The following TMEM62 variants were observed in gnomAD, a reference collection of about 807,000 sequenced individuals.
The protein encoded by TMEM62 is transmembrane protein 62.
TMEM62 carries 41 observed loss-of-function variants against 70.4 expected under a neutral mutation model. That is an observed-to-expected ratio of 0.58 (90% CI 0.45 to 0.76). The LOEUF is 0.76. Ranked by LOEUF, TMEM62 falls within the 30% of genes least tolerant of loss-of-function variation. The pLI is 0.00. For synonymous variants in TMEM62, 268 were observed against 291.0 expected (o/e 0.92, Z 0.80); for missense variants, 688 against 788.5 (o/e 0.87, Z 1.53).
At chr15:43,155,918 T>C (rs2037998573) in intron 9 of TMEM62, among the ~76,000 whole-genome samples, 1 of 152,180 alleles carries the variant, frequency 6.6e-6, no homozygotes, top group Admixed American at 6.5e-5. Context: ...TCTGATTCAA[T>C]TTAGGGCATT....
Position 43,184,986 on chromosome 15 carries a change from TTC to T in TMEM62, c.*401_*402del. The T allele has an allele frequency of 4.0e-6, 1 of 252,066 alleles. No homozygotes were observed. The highest frequency in any genetic ancestry group is 7.7e-6 in the Non-Finnish European group (1 of 129,522). 15.6% of individuals were successfully genotyped at this position (252,066 alleles called of 1,614,324 possible). A position where few individuals can be genotyped will look rare whatever the true frequency, so the allele number is the denominator to read the frequency against. On this transcript the variant is annotated 3_prime_UTR_variant, in exon 14 of 14. Coordinates refer to ENST00000260403, the MANE Select transcript of TMEM62 (RefSeq NM_024956.4). ...ATTCAGCAGCTGTCAAAGGTGCAAT[TTC>T]AGGGGCAGGGAACCTTTGAGGATCT... is the stretch of plus-strand genomic sequence containing the variant.
At chr15:43,140,371 C>T (rs1338344684) in intron 4 of TMEM62, among the ~76,000 whole-genome samples, 1 of 152,196 alleles carries the variant, frequency 6.6e-6, no homozygotes, top group East Asian at 1.9e-4. Flanking sequence ...TGGTACTGTT[C>T]TGGAGTGGCC....
chr15:43,145,474 G>C (rs2036559844), intron 4 of TMEM62, among the ~76,000 whole-genome samples: 1 of 152,032 alleles, frequency 6.6e-6, no homozygotes, highest in South Asian at 2.1e-4. Flanking sequence ...CAAAGTGCTG[G>C]GATTACAGGC....
chr15:43,149,992 T>A (rs182928605), intron 7 of TMEM62, among the ~76,000 whole-genome samples: 1 of 152,294 alleles, frequency 6.6e-6, no homozygotes, highest in Non-Finnish European at 1.5e-5. Flanking sequence ...TTAAGTGAAA[T>A]AGTTTATCAA....
Position 43,135,583 on chromosome 15 carries a change from C to T in TMEM62, c.364C>T (p.Gln122Ter), listed in dbSNP as rs778134491. 4 of 1,610,534 alleles carry T rather than the reference C, an allele frequency of 2.5e-6. No individual in the cohort carries two copies. Among genetic ancestry groups the T allele is most frequent in the East Asian group, 4.5e-5 (2 of 44,710 alleles). Residue 122 changes from glutamine to a stop codon, truncating the protein, a stop_gained, in exon 3 of 14, where the codon CAG becomes TAG. Coordinates refer to ENST00000260403, the MANE Select transcript of TMEM62 (RefSeq NM_024956.4). LOFTEE classifies it high-confidence loss of function. ...RQHEVEWQTY[Q>*]GILKKTRVME... ...GCATGAGGTAGAATGGCAAACCTAC[C>T]AGGGTATTCTGAAGAAGACAAGAGT...
At chr15:43,154,538 A>T in intron 8 of TMEM62, 134 bp from the exon 9 acceptor site, 1 of 652,826 alleles carries the variant, frequency 1.5e-6, no homozygotes, top group Non-Finnish European at 2.3e-6. Flanking sequence ...TCATATCAAT[A>T]GTGGCTCCTG....
intron 2 of TMEM62, among the ~76,000 whole-genome samples, chr15:43,135,095 G>C (rs1254514376): frequency 6.6e-6 from 1 of 152,204 alleles, no homozygotes; most frequent in African/African-American, 2.4e-5. Flanking sequence ...GCTTCTTGCT[G>C]TAAAAATAAT....
In TMEM62 at chr15:43,133,808, T is replaced by G. The variant is rs886801257; in HGVS notation, c.6T>G (p.Ala2=). The change falls in exon 1 of 14, where the codon GCT becomes GCG. Residue 2 remains alanine, a synonymous_variant. Coordinates refer to ENST00000260403, the MANE Select transcript of TMEM62 (RefSeq NM_024956.4). M[A]AVLALRVVAG... ...CGCCCCGGCGGGCGGGCGGCATGGC[T>G]GCAGTGCTGGCTCTCAGGGTGGTCG... is the stretch of plus-strand genomic sequence containing the variant. The G allele has an allele frequency of 5.7e-6, 8 of 1,408,660 alleles. No homozygotes were observed. Among genetic ancestry groups the G allele is most frequent in the Non-Finnish European group, 7.4e-6 (8 of 1,087,354 alleles). 87.3% of individuals were successfully genotyped at this position (1,408,660 alleles called of 1,614,324 possible).
chr15:43,146,348 A>G, intron 4 of TMEM62, 145 bp from the exon 5 acceptor site: 15 of 718,674 alleles, frequency 2.1e-5, no homozygotes, highest in Middle Eastern at 2.7e-4. Context: ...TCATCAGTTT[A>G]TCCATTGTGG....
At chr15:43,177,781 C>T (rs537401863) in intron 11 of TMEM62, among the ~76,000 whole-genome samples, 12 of 151,628 alleles carry the variant, frequency 7.9e-5, no homozygotes, top group South Asian at 4.2e-4. Context: ...TCTCACTCAT[C>T]GGTGGGAATT....
intron 10 of TMEM62, among the ~76,000 whole-genome samples, chr15:43,165,732 C>CA (rs546572028): frequency 4.1e-4 from 56 of 136,352 alleles, no homozygotes; most frequent in East Asian, 1.1e-3. Flanking sequence ...GACTCCGTCT[C>CA]AAAAAAAAAA....
At position 43,135,656 on chromosome 15, in the gene TMEM62, G is replaced by T. The variant is rs765087232; in HGVS notation, c.430+7G>T. 2 of 1,584,262 alleles carry T rather than the reference G, an allele frequency of 1.3e-6. No homozygotes were observed. The highest frequency in any genetic ancestry group is 1.7e-6 in the Non-Finnish European group (2 of 1,171,914). ...GATATCAAAGGAAATCATGGTAAGA[G>T]CCAAGAGCCAGATACAATAAAGACA... On this transcript the variant is annotated splice_region_variant and intron_variant, in intron 3 of 13. Transcript: ENST00000260403.
At chr15:43,177,594 A>G (rs2040884960) in intron 11 of TMEM62, among the ~76,000 whole-genome samples, 1 of 152,104 alleles carries the variant, frequency 6.6e-6, no homozygotes. Flanking sequence ...AAGACTTGGA[A>G]CCAACCCAAA....
Position 43,146,640 on chromosome 15 carries a change from G to A in TMEM62, c.618+6G>A. ...TCTTTGGAATTTTAGATAAGGTGCA[G>A]TAAAAATCTTACTTCCCTTTGTAGC... On this transcript the variant is annotated splice_donor_region_variant and intron_variant, in intron 5 of 13. Transcript: ENST00000260403. 5 of 1,602,918 alleles carry A rather than the reference G, an allele frequency of 3.1e-6. No individual in the cohort carries two copies. The highest frequency in any genetic ancestry group is 4.3e-6 in the Non-Finnish European group (5 of 1,175,996).
At chr15:43,136,694 G>C (rs1372474342) in intron 3 of TMEM62, among the ~76,000 whole-genome samples, 1 of 151,426 alleles carries the variant, frequency 6.6e-6, no homozygotes, top group African/African-American at 2.4e-5. Context: ...GACCTCAAAT[G>C]ATCTGCCCCT....
intron 5 of TMEM62, among the ~76,000 whole-genome samples, chr15:43,147,644 A>G (rs1481672333): frequency 6.6e-6 from 1 of 152,252 alleles, no homozygotes; most frequent in African/African-American, 2.4e-5. Context: ...AGTGAACAGA[A>G]TATTGTCAAA....
In TMEM62 at chr15:43,169,471, G is replaced by T. The variant is rs8026460; in HGVS notation, c.1297-122G>T. ...CCAGTGGGGACAAAGACCAAAATATGTATTTCTTATATCACAGTATCACAG... is the reference window on the plus strand; with the variant it reads ...CCAGTGGGGACAAAGACCAAAATATTTATTTCTTATATCACAGTATCACAG... On this transcript the variant is annotated intron_variant, in intron 10 of 13. Transcript: ENST00000260403. The T allele has an allele frequency of 2.5e-3, 1,936 of 789,392 alleles. 26 individuals carry two copies. In the African/African-American group the frequency reaches 0.031, roughly 13 times the overall value. 48.9% of individuals were successfully genotyped at this position (789,392 alleles called of 1,614,324 possible). A position where few individuals can be genotyped will look rare whatever the true frequency, so the allele number is the denominator to read the frequency against.
Position 43,184,371 on chromosome 15 carries a change from A to T in TMEM62, c.1717A>T (p.Met573Leu). 1 of 1,614,190 alleles carries T rather than the reference A, an allele frequency of 6.2e-7. No homozygotes were observed. The highest frequency in any genetic ancestry group is 8.5e-7 in the Non-Finnish European group (1 of 1,180,030). Residue 573 changes from methionine to leucine, a missense_variant, in exon 14 of 14, where the codon ATG becomes TTG. Coordinates refer to ENST00000260403, the MANE Select transcript of TMEM62 (RefSeq NM_024956.4). ...CCATCAAAGAAAATACTTGAAAATT[A>T]TGCCTGTTCACCTACTTATGCTACT... ...HLHQRKYLKIMPVHLLMLLLY... is the reference protein window; with the variant it reads ...HLHQRKYLKILPVHLLMLLLY...
At chr15:43,164,201 T>C (rs2141886552) in intron 10 of TMEM62, among the ~76,000 whole-genome samples, 1 of 152,358 alleles carries the variant, frequency 6.6e-6, no homozygotes, top group South Asian at 2.1e-4. Context: ...ATTTTCTTTA[T>C]TGGTGGATCA....
Sources: allele counts gnomAD v4.1 joint callset (sites outside exome capture counted in the v4.1 genomes callset), GRCh38; gene constraint gnomAD v4.1.1; transcripts MANE v1.5; gene names NCBI Gene and HGNC (gene_info 2026-07-23, HGNC 2026-07-21).